Variants in DLGAP2 observed in about 807,000 individuals in gnomAD.
DLGAP2 encodes DLG associated protein 2, also known as disks large-associated protein 2.
DLGAP2 carries 26 observed loss-of-function variants against 100.3 expected under a neutral mutation model. The ratio of observed to expected loss-of-function variants is 0.26; its 90% CI spans 0.19 to 0.36. DLGAP2 has a LOEUF of 0.36. Among genes scored for constraint, DLGAP2 ranks in the 10% least tolerant of loss-of-function variants. The pLI is 1.00. For synonymous variants in DLGAP2, 886 were observed against 630.1 expected (o/e 1.41, Z -6.08); for missense variants, 1,858 against 1,453.2 (o/e 1.28, Z -4.53).
At chr8:936,633 G>GAGCTGGAGCCTAGTTGGA (rs1212937244) in intron 2 of DLGAP2, among the ~76,000 whole-genome samples, 2 of 152,198 alleles carry the variant, frequency 1.3e-5, no homozygotes, top group Non-Finnish European at 2.9e-5. Context: ...GCAGGAGTCT[G>GAGCTGGAGCCTAGTTGGA]AGCTGGAGCC....
intron 2 of DLGAP2, among the ~76,000 whole-genome samples, chr8:1,124,927 T>C (rs1796131208): frequency 6.6e-6 from 1 of 152,174 alleles, no homozygotes; most frequent in Non-Finnish European, 1.5e-5. Context: ...TCTGCCCCTA[T>C]ACCGAGGAGG....
chr8:903,102 A>G (rs936586364), intron 1 of DLGAP2, among the ~76,000 whole-genome samples: 2 of 151,852 alleles, frequency 1.3e-5, no homozygotes, highest in African/African-American at 2.4e-5. Flanking sequence ...GGGATCCCCA[A>G]GCGGCCGTCA....
rs554499939 is a variant in DLGAP2 at position 984,506 on chromosome 8, C to T, written c.73+76540C>T. Among the ~76,000 whole-genome samples, 5 of 152,286 alleles carry T rather than the reference C, an allele frequency of 3.3e-5. No homozygotes were observed. In the South Asian group the frequency reaches 8.3e-4, roughly 25 times the overall value. On this transcript the variant is annotated intron_variant, in intron 2 of 14. Transcript: ENST00000637795. ...TTGGTTGTGGGGATGGTCAGCTTGG[C>T]CCACGCTCCTGGCCACAGACCAAAC...
chr8:1,407,577 A>T (rs1796601849), intron 3 of DLGAP2, among the ~76,000 whole-genome samples: 1 of 112,798 alleles, frequency 8.9e-6, no homozygotes, highest in East Asian at 3.2e-4. Flanking sequence ...AGAGTCGTGT[A>T]TTGAGTGCTT....
chr8:1,357,316 G>A (rs933976645), intron 3 of DLGAP2, among the ~76,000 whole-genome samples: 38 of 152,130 alleles, frequency 2.5e-4, no homozygotes, highest in Admixed American at 2.2e-3. Flanking sequence ...AGACTGGCTA[G>A]TGGATGGCCA....
chr8:1,431,590 A>G (rs1461456167), intron 3 of DLGAP2, among the ~76,000 whole-genome samples: 1 of 152,214 alleles, frequency 6.6e-6, no homozygotes, highest in Non-Finnish European at 1.5e-5. Flanking sequence ...CACTGGCCAC[A>G]TCCACCTGTA....
At chr8:948,932 G>T (rs1799403628) in intron 2 of DLGAP2, among the ~76,000 whole-genome samples, 1 of 150,782 alleles carries the variant, frequency 6.6e-6, no homozygotes, top group Non-Finnish European at 1.5e-5. Flanking sequence ...TTGGCGGGGG[G>T]ACGCCAGGGT....
intron 1 of DLGAP2, among the ~76,000 whole-genome samples, chr8:903,274 G>C (rs191419551): frequency 1.7e-3 from 255 of 152,212 alleles, no homozygotes; most frequent in Non-Finnish European, 2.9e-3. Context: ...GGAATAGCTG[G>C]GTTTGGCTGT....
At chr8:769,154 G>A (rs1821292279) in intron 1 of DLGAP2, among the ~76,000 whole-genome samples, 1 of 152,126 alleles carries the variant, frequency 6.6e-6, no homozygotes, top group Non-Finnish European at 1.5e-5. Context: ...AATCAGCTCA[G>A]AAACCTTTTG....
intron 3 of DLGAP2, among the ~76,000 whole-genome samples, chr8:1,469,304 G>C (rs770813582): frequency 5.5e-4 from 84 of 152,238 alleles, no homozygotes; most frequent in Non-Finnish European, 1.1e-3. Flanking sequence ...GCGGCATTCA[G>C]CTCTGAGCTG....
In DLGAP2 at chr8:1,371,578, G is replaced by A. The variant is rs140770049; in HGVS notation, c.106+112695G>A. Among the ~76,000 whole-genome samples the A allele has an allele frequency of 5.1e-4, 77 of 152,312 alleles. 1 individual carries two copies. Among genetic ancestry groups the A allele is most frequent in the South Asian group, 4.6e-3 (22 of 4,822 alleles). ...ACTCTATTATCCTCTCACTTCCCGT[G>A]ACTTGATTGGAAAAGAAGGAATTTG... On this transcript the variant is annotated intron_variant, in intron 3 of 14. Transcript: ENST00000637795.
intron 3 of DLGAP2, among the ~76,000 whole-genome samples, chr8:1,466,806 C>A (rs1480072295): frequency 6.6e-6 from 1 of 152,094 alleles, no homozygotes; most frequent in Non-Finnish European, 1.5e-5. Flanking sequence ...TTACTGTTTT[C>A]CAGGAAGTGG....
chr8:1,639,934 A>G (rs896378003), intron 8 of DLGAP2, among the ~76,000 whole-genome samples: 3 of 152,166 alleles, frequency 2.0e-5, no homozygotes, highest in Admixed American at 6.5e-5. Flanking sequence ...CCCCATCTCA[A>G]AATCCTGAAT....
intron 4 of DLGAP2, among the ~76,000 whole-genome samples, chr8:1,503,623 A>G (rs1308437721): frequency 6.6e-6 from 1 of 152,030 alleles, no homozygotes; most frequent in Non-Finnish European, 1.5e-5. Flanking sequence ...TCATTTGGGT[A>G]AATGTCCAGA....
chr8:1,283,218 CA>C (rs1255865333), intron 3 of DLGAP2, among the ~76,000 whole-genome samples: 2 of 151,374 alleles, frequency 1.3e-5, no homozygotes, highest in African/African-American at 4.9e-5. Context: ...GACCTGAACC[CA>C]GCGCCCTGAA....
chr8:1,366,163 C>T (rs1481229983), intron 3 of DLGAP2, among the ~76,000 whole-genome samples: 2 of 152,228 alleles, frequency 1.3e-5, no homozygotes, highest in Non-Finnish European at 2.9e-5. Flanking sequence ...CTTTTTCTTT[C>T]TCTCCTTTTC....
chr8:1,117,209 G>A (rs963371119), intron 2 of DLGAP2, among the ~76,000 whole-genome samples: 2 of 152,194 alleles, frequency 1.3e-5, no homozygotes, highest in Admixed American at 6.5e-5. Context: ...AGGTGAGCCT[G>A]TGGACAAAGC....
At chr8:1,695,439 C>G (rs1043699570) in intron 13 of DLGAP2, among the ~76,000 whole-genome samples, 2 of 143,246 alleles carry the variant, frequency 1.4e-5, no homozygotes, top group Admixed American at 6.8e-5. Context: ...ATGTCCGGCC[C>G]TACAGAAAGA....
At chr8:1,278,402 ATTACT>A (rs1799749501) in intron 3 of DLGAP2, among the ~76,000 whole-genome samples, 1 of 152,178 alleles carries the variant, frequency 6.6e-6, no homozygotes, top group Non-Finnish European at 1.5e-5. Flanking sequence ...TCATTACTCA[ATTACT>A]TTACCTGTTG....
Sources: allele counts gnomAD v4.1 joint callset (sites outside exome capture counted in the v4.1 genomes callset), GRCh38; gene constraint gnomAD v4.1.1; transcripts MANE v1.5; gene names NCBI Gene and HGNC (gene_info 2026-07-23, HGNC 2026-07-21).